The following GPR39 variants were observed in gnomAD, a reference collection of about 807,000 sequenced individuals.
GPR39 encodes the protein G protein-coupled receptor 39.
GPR39 carries 23 observed loss-of-function variants against 18.4 expected under a neutral mutation model. The ratio of observed to expected loss-of-function variants is 1.25; its 90% CI spans 0.90 to 1.77. GPR39 has a LOEUF of 1.77. GPR39 is among the 40% of genes most tolerant of loss of function. GPR39 has a pLI of 0.00. For synonymous variants in GPR39, 280 were observed against 257.9 expected (o/e 1.09, Z -0.82); for missense variants, 647 against 602.4 (o/e 1.07, Z -0.78).
At chr2:132,585,950 T>TTTTTG (rs1680719398) in intron 1 of GPR39, among the ~76,000 whole-genome samples, 1 of 66,932 alleles carries the variant, frequency 1.5e-5, no homozygotes, top group African/African-American at 4.9e-5. Context: ...CATCCCCGGT[T>TTTTTG]TTTTTTTTTT....
intron 1 of GPR39, among the ~76,000 whole-genome samples, chr2:132,453,653 TG>T (rs1258444948): frequency 1.3e-5 from 2 of 152,230 alleles, no homozygotes; most frequent in Non-Finnish European, 2.9e-5. Flanking sequence ...AATTAATTTT[TG>T]TATAAGGTGT....
At chr2:132,563,764 C>G (rs1208334660) in intron 1 of GPR39, among the ~76,000 whole-genome samples, 1 of 152,180 alleles carries the variant, frequency 6.6e-6, no homozygotes, top group Non-Finnish European at 1.5e-5. Context: ...CATTGTTTTG[C>G]TGTTTTTTGG....
At chr2:132,548,210 T>C (rs545506554) in intron 1 of GPR39, among the ~76,000 whole-genome samples, 1 of 152,326 alleles carries the variant, frequency 6.6e-6, no homozygotes, top group South Asian at 2.1e-4. Flanking sequence ...AGCTGCCCAA[T>C]TCAATTCCAT....
At chr2:132,550,830 A>G (rs1178190308) in intron 1 of GPR39, among the ~76,000 whole-genome samples, 2 of 152,192 alleles carry the variant, frequency 1.3e-5, no homozygotes, top group Non-Finnish European at 2.9e-5. Flanking sequence ...TGTCCAGACT[A>G]TTTTTATAAT....
At chr2:132,538,505 TC>T (rs1369191147) in intron 1 of GPR39, among the ~76,000 whole-genome samples, 1 of 152,236 alleles carries the variant, frequency 6.6e-6, no homozygotes, top group African/African-American at 2.4e-5. Flanking sequence ...GGGAGGTCTT[TC>T]CCAGTCAGGA....
intron 1 of GPR39, among the ~76,000 whole-genome samples, chr2:132,490,169 A>G (rs1681429400): frequency 6.6e-6 from 1 of 151,926 alleles, no homozygotes. Flanking sequence ...AAGGAAGGAG[A>G]GGAGAGAGAG....
chr2:132,520,608 C>A (rs1436636582), intron 1 of GPR39, among the ~76,000 whole-genome samples: 1 of 152,230 alleles, frequency 6.6e-6, no homozygotes, highest in Non-Finnish European at 1.5e-5. Flanking sequence ...TCCTCAGAGG[C>A]CTCACTGCCT....
intron 1 of GPR39, among the ~76,000 whole-genome samples, chr2:132,560,080 G>A (rs1680222856): frequency 6.6e-6 from 1 of 152,060 alleles, no homozygotes; most frequent in Non-Finnish European, 1.5e-5. Context: ...TGGGCTCTGG[G>A]AGCTGTCTGC....
intron 1 of GPR39, chr2:132,489,059 G>A (rs1479468169): frequency 1.0e-5 from 2 of 197,438 alleles, no homozygotes; most frequent in South Asian, 2.1e-4. Flanking sequence ...ACCAGGGCCT[G>A]TGACACTTGC....
intron 1 of GPR39, among the ~76,000 whole-genome samples, chr2:132,549,282 A>G (rs1300540783): frequency 6.6e-6 from 1 of 152,180 alleles, no homozygotes; most frequent in Non-Finnish European, 1.5e-5. Context: ...TTCCCAGAGC[A>G]TACCACACCC....
intron 1 of GPR39, among the ~76,000 whole-genome samples, chr2:132,448,374 C>A (rs1680575373): frequency 1.3e-5 from 2 of 152,150 alleles, no homozygotes; most frequent in Admixed American, 6.5e-5. Flanking sequence ...ACACAAAAGG[C>A]TTTCTCTAAC....
intron 1 of GPR39, among the ~76,000 whole-genome samples, chr2:132,625,981 T>G (rs1228284244): frequency 6.6e-6 from 1 of 151,736 alleles, no homozygotes; most frequent in Non-Finnish European, 1.5e-5. Flanking sequence ...GTGCCTATAG[T>G]CCCAGCTACT....
intron 1 of GPR39, among the ~76,000 whole-genome samples, chr2:132,469,921 G>A (rs1239070688): frequency 1.3e-5 from 2 of 152,224 alleles, no homozygotes; most frequent in Admixed American, 6.5e-5. Context: ...AAACTGTTAC[G>A]GCAAAGTTGC....
chr2:132,416,959 T>G lies in GPR39; in HGVS notation c.-84T>G. ...AATCGTGCGCCCACGCAGGTGAGTT[T>G]GCAGCCAAGAATTTTGGACGCTGCT... On this transcript the variant is annotated 5_prime_UTR_variant, in exon 1 of 2. Transcript: ENST00000329321. 1 of 1,517,118 alleles carries G rather than the reference T, an allele frequency of 6.6e-7. No individual in the cohort carries two copies. Among genetic ancestry groups the G allele is most frequent in the South Asian group, 1.3e-5 (1 of 79,228 alleles). The allele number at this position is 1,517,118 out of a possible 1,614,324, so 94.0% of individuals were successfully genotyped here.
At chr2:132,585,948 G>GTTTTTTTTT (rs397985921) in intron 1 of GPR39, among the ~76,000 whole-genome samples, 35 of 62,960 alleles carry the variant, frequency 5.6e-4, no homozygotes, top group African/African-American at 9.5e-4. Flanking sequence ...AGCATCCCCG[G>GTTTTTTTTT]TTTTTTTTTT....
At chr2:132,527,716 T>A (rs539897287) in intron 1 of GPR39, among the ~76,000 whole-genome samples, 2 of 152,316 alleles carry the variant, frequency 1.3e-5, no homozygotes, top group South Asian at 4.1e-4. Flanking sequence ...TTTTGTATGT[T>A]TGTTGGCTAC....
At chr2:132,632,705 A>G (rs867216495) in intron 1 of GPR39, among the ~76,000 whole-genome samples, 6 of 152,146 alleles carry the variant, frequency 3.9e-5, no homozygotes, top group Non-Finnish European at 7.3e-5. Flanking sequence ...TGGCCACCTC[A>G]TGGAGCTTAT....
At chr2:132,608,692 C>T (rs553160868) in intron 1 of GPR39, among the ~76,000 whole-genome samples, 5 of 152,186 alleles carry the variant, frequency 3.3e-5, no homozygotes, top group African/African-American at 4.8e-5. Context: ...CACATTGATT[C>T]AGTTCTCAGC....
intron 1 of GPR39, among the ~76,000 whole-genome samples, chr2:132,532,972 C>T (rs540878350): frequency 5.9e-5 from 9 of 152,024 alleles, no homozygotes; most frequent in African/African-American, 1.7e-4. Flanking sequence ...TCCTATTCAA[C>T]GTAGTGTTGG....
Sources: allele counts gnomAD v4.1 joint callset (sites outside exome capture counted in the v4.1 genomes callset), GRCh38; gene constraint gnomAD v4.1.1; transcripts MANE v1.5; gene names NCBI Gene and HGNC (gene_info 2026-07-23, HGNC 2026-07-21).